Variants in ZFAND3 observed in about 807,000 individuals in gnomAD.
The protein encoded by ZFAND3 is AN1-type zinc finger protein 3.
ZFAND3 carries 10 observed loss-of-function variants against 29.6 expected under a neutral mutation model. The ratio of observed to expected loss-of-function variants is 0.34; its 90% CI spans 0.21 to 0.57. The LOEUF (loss-of-function observed/expected upper bound fraction) is 0.57, where lower values mean the gene tolerates loss of function less well. Ranked by LOEUF, ZFAND3 falls within the 20% of genes least tolerant of loss-of-function variation. The pLI is 0.86. For synonymous variants in ZFAND3, 128 were observed against 112.6 expected, an observed-to-expected ratio of 1.14 and a Z score of -0.87; for missense variants, 230 against 304.5, an observed-to-expected ratio of 0.76 and a Z score of 1.82.
intron 2 of ZFAND3, among the ~76,000 whole-genome samples, chr6:38,005,560 T>C (rs1444789417): frequency 1.3e-5 from 2 of 152,226 alleles, no homozygotes; most frequent in Non-Finnish European, 2.9e-5. Context: ...TATCCTTCCC[T>C]CTCTGTTTTG....
intron 2 of ZFAND3, among the ~76,000 whole-genome samples, chr6:37,950,371 G>C (rs201948388): frequency 9.3e-6 from 1 of 107,042 alleles, no homozygotes; most frequent in Non-Finnish European, 2.0e-5. Context: ...TAATGTTTTT[G>C]TTGACTTGTT....
chr6:37,899,145 C>T (rs1170293595), intron 1 of ZFAND3, among the ~76,000 whole-genome samples: 6 of 152,134 alleles, frequency 3.9e-5, no homozygotes, highest in Non-Finnish European at 7.4e-5. Context: ...GTGATCCACC[C>T]GCCTCGGCCT....
chr6:37,868,868 A>G (rs1764638921), intron 1 of ZFAND3, among the ~76,000 whole-genome samples: 1 of 152,196 alleles, frequency 6.6e-6, no homozygotes, highest in Non-Finnish European at 1.5e-5. Context: ...CAGTTGTTAA[A>G]TATTCGTCTA....
intron 1 of ZFAND3, among the ~76,000 whole-genome samples, chr6:37,822,694 C>T (rs898350944): frequency 2.0e-5 from 3 of 152,074 alleles, no homozygotes; most frequent in African/African-American, 4.8e-5. Flanking sequence ...AGGAAAGTAG[C>T]CTGGAGAAAG....
intron 3 of ZFAND3, among the ~76,000 whole-genome samples, chr6:38,075,547 C>G (rs1376934692): frequency 6.6e-6 from 1 of 152,178 alleles, no homozygotes; most frequent in African/African-American, 2.4e-5. Flanking sequence ...GAGATGGAAT[C>G]TACTCCTGGT....
At chr6:38,143,521 T>G (rs911205164) in intron 5 of ZFAND3, among the ~76,000 whole-genome samples, 2 of 152,278 alleles carry the variant, frequency 1.3e-5, no homozygotes, top group African/African-American at 4.8e-5. Context: ...GGCATGTAAC[T>G]GATATTTTAA....
intron 1 of ZFAND3, among the ~76,000 whole-genome samples, chr6:37,857,420 A>G (rs1422952023): frequency 6.6e-6 from 1 of 152,208 alleles, no homozygotes; most frequent in African/African-American, 2.4e-5. Flanking sequence ...AAGTAAACAT[A>G]CCAGGCAAAC....
intron 2 of ZFAND3, among the ~76,000 whole-genome samples, chr6:37,945,781 A>G (rs1276052217): frequency 6.6e-6 from 1 of 152,216 alleles, no homozygotes; most frequent in Admixed American, 6.5e-5. Context: ...ACTGTTTTAT[A>G]TAGTTGTCAT....
At chr6:37,892,187 A>G (rs145245578) in intron 1 of ZFAND3, among the ~76,000 whole-genome samples, 146 of 152,362 alleles carry the variant, frequency 9.6e-4, no homozygotes, top group African/African-American at 3.4e-3. Flanking sequence ...GCAGAAAGAA[A>G]TTTGGAAACT....
chr6:37,848,794 T>A lies in ZFAND3; in HGVS notation c.71+28778T>A, dbSNP rs73730819. ...CTTTATGTTTTTTTCTTCCTCAAAATTTTTTTTTAACAATGTTTGGTGTCT... is the reference window on the plus strand; with the variant it reads ...CTTTATGTTTTTTTCTTCCTCAAAAATTTTTTTTAACAATGTTTGGTGTCT... On this transcript the variant is annotated intron_variant, in intron 1 of 5. Coordinates refer to ENST00000287218, the MANE Select transcript of ZFAND3 (RefSeq NM_021943.3). 5.5e-3 allele frequency among the ~76,000 whole-genome samples: 825 copies of A among 151,090 alleles called. 11 individuals carry two copies. Among genetic ancestry groups the A allele is most frequent in the African/African-American group, 0.018 (751 of 40,962 alleles).
intron 2 of ZFAND3, among the ~76,000 whole-genome samples, chr6:37,990,290 T>C (rs1035065590): frequency 6.6e-6 from 1 of 152,130 alleles, no homozygotes. Context: ...GCATTCAAAT[T>C]TCTGTTCTGG....
At chr6:37,870,029 C>G (rs1019716883) in intron 1 of ZFAND3, among the ~76,000 whole-genome samples, 3 of 151,908 alleles carry the variant, frequency 2.0e-5, no homozygotes, top group Non-Finnish European at 2.9e-5. Context: ...ACATTTTTCT[C>G]TCAGTACTGC....
At chr6:37,870,196 C>G (rs1764666268) in intron 1 of ZFAND3, among the ~76,000 whole-genome samples, 1 of 142,368 alleles carries the variant, frequency 7.0e-6, no homozygotes, top group Non-Finnish European at 1.5e-5. Context: ...GTAGTCCCAG[C>G]TGTTTGTGAG....
intron 2 of ZFAND3, among the ~76,000 whole-genome samples, chr6:37,935,574 A>G (rs1761683745): frequency 6.6e-6 from 1 of 152,230 alleles, no homozygotes; most frequent in African/African-American, 2.4e-5. Flanking sequence ...AATTCTGAGT[A>G]GAATAGAAAA....
At chr6:37,904,632 T>C (rs1765376914) in intron 1 of ZFAND3, among the ~76,000 whole-genome samples, 1 of 152,170 alleles carries the variant, frequency 6.6e-6, no homozygotes, top group Non-Finnish European at 1.5e-5. Flanking sequence ...GCAAGAATTA[T>C]ATAATGACCT....
intron 5 of ZFAND3, among the ~76,000 whole-genome samples, chr6:38,129,794 A>G (rs1168106105): frequency 8.5e-6 from 1 of 118,024 alleles, no homozygotes; most frequent in East Asian, 2.1e-4. Flanking sequence ...CTTGCTTTGG[A>G]TATGTGGGCT....
At chr6:38,023,517 T>C (rs1763389166) in intron 2 of ZFAND3, among the ~76,000 whole-genome samples, 1 of 152,210 alleles carries the variant, frequency 6.6e-6, no homozygotes, top group Non-Finnish European at 1.5e-5. Context: ...TGTGTATGAC[T>C]ATGTAATTTT....
chr6:38,113,798 TC>T (rs1260792451), intron 4 of ZFAND3, among the ~76,000 whole-genome samples: 2 of 152,240 alleles, frequency 1.3e-5, no homozygotes, highest in Admixed American at 6.5e-5. Flanking sequence ...CTTTATTTTT[TC>T]CCCCGGCTTC....
chr6:37,896,570 C>CTTTCTTTCTT (rs1554153801), intron 1 of ZFAND3, among the ~76,000 whole-genome samples: 14 of 124,598 alleles, frequency 1.1e-4, no homozygotes, highest in African/African-American at 2.6e-4. Context: ...TTCTTTCTTT[C>CTTTCTTTCTT]TCTCTTTCTC....
Sources: allele counts gnomAD v4.1 joint callset (sites outside exome capture counted in the v4.1 genomes callset), GRCh38; gene constraint gnomAD v4.1.1; transcripts MANE v1.5; gene names NCBI Gene and HGNC (gene_info 2026-07-23, HGNC 2026-07-21).